PIKFYVE: variants seen among roughly 807,000 people sequenced by gnomAD.
PIKFYVE encodes the protein 1-phosphatidylinositol 3-phosphate 5-kinase.
A neutral mutation model predicts 257.9 loss-of-function variants in PIKFYVE; 122 were observed. The observed-to-expected ratio is 0.47, with a 90% CI of 0.41 to 0.55. PIKFYVE has a LOEUF of 0.55. Among genes scored for constraint, PIKFYVE ranks in the 20% least tolerant of loss-of-function variants. The pLI is 0.00. For synonymous variants in PIKFYVE, 892 were observed against 868.9 expected (o/e 1.03, Z -0.47); for missense variants, 2,160 against 2,536.6 (o/e 0.85, Z 3.19).
chr2:208,321,637 G>T (rs1159454813), intron 17 of PIKFYVE, among the ~76,000 whole-genome samples: 1 of 144,226 alleles, frequency 6.9e-6, no homozygotes, highest in African/African-American at 2.6e-5. Flanking sequence ...GAGCGCAATG[G>T]TGCAATCTTG....
In PIKFYVE at chr2:208,338,498, T is replaced by C. The variant is rs767452849; in HGVS notation, c.4612-10T>C. 3 of 1,610,964 alleles carry C rather than the reference T, an allele frequency of 1.9e-6. No homozygotes were observed. The East Asian group carries it at 6.7e-5, about 36-fold the overall frequency. ...TTTTCCATAAGAACAAAGTATTTAC[T>C]TCTCTACAGATAAGTGCGATGGATG... On this transcript the variant is annotated splice_polypyrimidine_tract_variant and intron_variant, in intron 28 of 41. Coordinates refer to ENST00000264380, the MANE Select transcript of PIKFYVE (RefSeq NM_015040.4).
chr2:208,335,530 A>T (rs981406699), intron 25 of PIKFYVE, 111 bp downstream of exon 25: 2 of 939,112 alleles, frequency 2.1e-6, no homozygotes, highest in Non-Finnish European at 1.6e-6. Context: ...ATTGTATGCT[A>T]TGCATGCTTG....
chr2:208,349,877 C>A, intron 35 of PIKFYVE, 147 bp from the exon 36 acceptor site: 1 of 1,203,020 alleles, frequency 8.3e-7, no homozygotes, highest in South Asian at 1.7e-5. Flanking sequence ...AATTGTATAT[C>A]TTATGCTTGC....
chr2:208,271,374 C>T (rs775707659), intron 1 of PIKFYVE, 137 bp from the exon 2 acceptor site: 103 of 813,848 alleles, frequency 1.3e-4, no homozygotes, highest in Non-Finnish European at 1.9e-4. Flanking sequence ...ATATATGAAG[C>T]TAGATTTATT....
intron 35 of PIKFYVE, among the ~76,000 whole-genome samples, chr2:208,349,043 A>G (rs1699510511): frequency 1.3e-5 from 2 of 152,038 alleles, no homozygotes; most frequent in Admixed American, 6.6e-5. Context: ...CATGCCTGTA[A>G]TCTCAACTAC....
chr2:208,335,917 G>T lies in PIKFYVE; in HGVS notation c.4365+16G>T. On this transcript the variant is annotated intron_variant, in intron 26 of 41. Transcript: ENST00000264380. ...ACAGAAAGAGGTAATTTATTTCTTTGGTAGAAAATTCAAAAGTTAATTATT... is the reference window on the plus strand; with the variant it reads ...ACAGAAAGAGGTAATTTATTTCTTTTGTAGAAAATTCAAAAGTTAATTATT... 6.3e-7 allele frequency: 1 copy of T among 1,595,452 alleles called. No individual in the cohort carries two copies. Among genetic ancestry groups the T allele is most frequent in the African/African-American group, 1.3e-5 (1 of 74,408 alleles).
At chr2:208,343,965 C>T (rs766096639) in intron 32 of PIKFYVE, among the ~76,000 whole-genome samples, 16 of 151,750 alleles carry the variant, frequency 1.1e-4, no homozygotes, top group Non-Finnish European at 2.1e-4. Flanking sequence ...CCAAGTAGCC[C>T]GCCACCATGC....
intron 18 of PIKFYVE, among the ~76,000 whole-genome samples, 199 bp downstream of exon 18, chr2:208,324,481 A>G (rs1387985538): frequency 1.3e-5 from 2 of 152,210 alleles, no homozygotes; most frequent in South Asian, 2.1e-4. Context: ...TGATTATGTA[A>G]TACTTATTGG....
intron 29 of PIKFYVE, among the ~76,000 whole-genome samples, chr2:208,338,951 A>G (rs1351963864): frequency 6.6e-6 from 1 of 152,202 alleles, no homozygotes; most frequent in Admixed American, 6.5e-5. Context: ...ACAGTATTTC[A>G]TTGAATAACT....
intron 2 of PIKFYVE, among the ~76,000 whole-genome samples, 159 bp from the exon 3 acceptor site, chr2:208,273,425 C>T (rs1285337937): frequency 6.6e-6 from 1 of 151,998 alleles, no homozygotes; most frequent in East Asian, 1.9e-4. Context: ...TAGGGAGAAC[C>T]TGCTTGTATT....
rs541702427 is a variant in PIKFYVE, at chr2:208,324,771, TA to T, written c.2332-133del. 147 of 1,039,894 alleles carry T rather than the reference TA, an allele frequency of 1.4e-4. No individual in the cohort carries two copies. The Admixed American group carries it at 3.1e-3, about 22-fold the overall frequency. The allele number at this position is 1,039,894 out of a possible 1,614,324, so 64.4% of individuals were successfully genotyped here. On this transcript the variant is annotated intron_variant, in intron 18 of 41. Transcript: ENST00000264380. The stretch of plus-strand genomic sequence containing the variant: ...CAACTAAGTGTAGAAGAATCCAGAA[TA>T]AAAAAATTCATCATATATTTATTAA...
At chr2:208,272,656 G>T (rs1356230840) in intron 2 of PIKFYVE, among the ~76,000 whole-genome samples, 1 of 152,038 alleles carries the variant, frequency 6.6e-6, no homozygotes, top group African/African-American at 2.4e-5. Flanking sequence ...AGTAATTCTT[G>T]TTGTTGTATA....
At chr2:208,325,112 A>G in intron 19 of PIKFYVE, 75 bp downstream of exon 19, 2 of 1,599,376 alleles carry the variant, frequency 1.3e-6, no homozygotes, top group Non-Finnish European at 1.7e-6. Flanking sequence ...ACTTACTAGG[A>G]AATACCTATT....
In PIKFYVE at chr2:208,328,138, G is replaced by A. The variant is rs113110026; in HGVS notation, c.3619-42G>A. The A allele has an allele frequency of 5.6e-5, 90 of 1,612,296 alleles. 2 individuals are homozygous for A. The African/African-American group carries it at 5.6e-4, about 10-fold the overall frequency. ...TGTTTGGTGCATTGGGGTTGAATGC[G>A]GTTGCAGTCACTTGCTCATCCATTC... On this transcript the variant is annotated intron_variant, in intron 20 of 41. Transcript: ENST00000264380.
Position 208,352,567 on chromosome 2 carries a change from A to C in PIKFYVE, c.5716-87A>C, listed in dbSNP as rs982890198. The C allele has an allele frequency of 1.5e-5, 22 of 1,455,054 alleles. No homozygotes were observed. In the Middle Eastern group the frequency reaches 8.3e-4, roughly 55 times the overall value. The allele number at this position is 1,455,054 out of a possible 1,614,324, so 90.1% of individuals were successfully genotyped here. ...GTCATATTAATAGAAAATTATGTTC[A>C]GTTATTACATGGATAATCCTTATAT... On this transcript the variant is annotated intron_variant, in intron 38 of 41. Transcript: ENST00000264380.
At chr2:208,269,611 T>G (rs1386371272) in intron 1 of PIKFYVE, 2 of 276,136 alleles carry the variant, frequency 7.2e-6, no homozygotes, top group East Asian at 9.6e-5. Context: ...GGACTTCAGG[T>G]CATCACTCTT....
chr2:208,277,397 T>C lies in PIKFYVE; in HGVS notation c.442-140T>C. On this transcript the variant is annotated intron_variant, in intron 4 of 41. Transcript: ENST00000264380. ...TTGTTCTTCTTCAAGATTGTCTTGG[T>C]TATTTTGACCTTTCGTATTCCCATA... The C allele has an allele frequency of 3.5e-6, 3 of 853,386 alleles. No individual in the cohort carries two copies. The East Asian group carries it at 7.9e-5, about 22-fold the overall frequency. The allele number at this position is 853,386 out of a possible 1,614,324, so 52.9% of individuals were successfully genotyped here.
At chr2:208,327,452 A>G (rs1336511960) in intron 20 of PIKFYVE, among the ~76,000 whole-genome samples, 1 of 152,198 alleles carries the variant, frequency 6.6e-6, no homozygotes, top group Non-Finnish European at 1.5e-5. Flanking sequence ...GATGAGCAGG[A>G]TCTCAAGTCA....
intron 27 of PIKFYVE, among the ~76,000 whole-genome samples, chr2:208,336,409 A>AG (rs2125684591): frequency 6.6e-6 from 1 of 152,318 alleles, no homozygotes; most frequent in East Asian, 1.9e-4. Context: ...AAAACCAAAG[A>AG]GGAGAACAGC....
Sources: allele counts gnomAD v4.1 joint callset (sites outside exome capture counted in the v4.1 genomes callset), GRCh38; gene constraint gnomAD v4.1.1; transcripts MANE v1.5; gene names NCBI Gene and HGNC (gene_info 2026-07-23, HGNC 2026-07-21).